DMTN: variants seen among roughly 807,000 people sequenced by gnomAD.
DMTN encodes dematin actin binding protein.
Under a neutral mutation model 59.4 loss-of-function variants are expected in DMTN, and 27 were observed. That is an observed-to-expected ratio of 0.45 (90% CI 0.33 to 0.63). The LOEUF (loss-of-function observed/expected upper bound fraction) is 0.63, where lower values mean the gene tolerates loss of function less well. Among genes scored for constraint, DMTN ranks in the 20% least tolerant of loss-of-function variants. The pLI is 0.02. For synonymous variants in DMTN, 221 were observed against 203.7 expected (o/e 1.08, Z -0.72); for missense variants, 451 against 528.9 (o/e 0.85, Z 1.45).
intron 1 of DMTN, among the ~76,000 whole-genome samples, chr8:22,061,296 A>AAAAG (rs1220661163): frequency 0.012 from 1,756 of 146,348 alleles, 44 homozygotes; most frequent in African/African-American, 0.045. Context: ...AAAAAAAAAA[A>AAAAG]AAAGAAAGAA....
At chr8:22,080,722 C>A in intron 13 of DMTN, 83 bp from the exon 14 acceptor site, 1 of 1,583,292 alleles carries the variant, frequency 6.3e-7, no homozygotes, top group Non-Finnish European at 8.6e-7. Flanking sequence ...CACAGAGTTG[C>A]CTGGTGAAGA....
At chr8:22,063,474 C>T (rs1017527837) in intron 1 of DMTN, among the ~76,000 whole-genome samples, 6 of 152,192 alleles carry the variant, frequency 3.9e-5, no homozygotes, top group African/African-American at 1.4e-4. Context: ...CTTCTGTGCC[C>T]CACTGTTGCC....
chr8:22,071,515 C>T (rs1305235650), intron 8 of DMTN, among the ~76,000 whole-genome samples: 3 of 152,016 alleles, frequency 2.0e-5, no homozygotes, highest in Non-Finnish European at 4.4e-5. Flanking sequence ...CTGTTTCAGC[C>T]TCGCAAGTAG....
At position 22,078,798 on chromosome 8, in the gene DMTN, G is replaced by GTT. The variant is rs1224977627; in HGVS notation, c.836-1367_836-1366dup. Among the ~76,000 whole-genome samples the GTT allele has an allele frequency of 1.3e-4, 11 of 85,088 alleles. 2 individuals carry two copies. The highest frequency in any genetic ancestry group is 2.1e-4 in the Non-Finnish European group (10 of 47,702). 55.8% of individuals were successfully genotyped at this position (85,088 alleles called of 152,430 possible). ...TCTTTCTGTAGTATAATGTCAGACT[G>GTT]TTTTTTTTTTTTTTTTGAGATGGAG... is the stretch of plus-strand genomic sequence containing the variant. On this transcript the variant is annotated intron_variant, in intron 10 of 15. Coordinates refer to ENST00000358242, the MANE Select transcript of DMTN (RefSeq NM_001387751.1).
intron 10 of DMTN, among the ~76,000 whole-genome samples, chr8:22,079,944 C>T (rs1823033648): frequency 1.3e-5 from 2 of 152,136 alleles, no homozygotes; most frequent in Admixed American, 1.3e-4. Flanking sequence ...TATATTTGGG[C>T]CACTTCTAGC....
At chr8:22,052,133 GC>G (rs1801419435), upstream of DMTN, among the ~76,000 whole-genome samples, 1 of 152,222 alleles carries the variant, frequency 6.6e-6, no homozygotes. Flanking sequence ...CCCGGGATGA[GC>G]GACTGTCTCC....
chr8:22,064,750 G>A (rs1032549343), intron 1 of DMTN, among the ~76,000 whole-genome samples: 4 of 152,132 alleles, frequency 2.6e-5, no homozygotes, highest in Non-Finnish European at 4.4e-5. Context: ...GAGCCACCGC[G>A]CCCGGCCTGC....
chr8:22,055,502 G>A (rs989163826), upstream of DMTN: 5 of 152,782 alleles, frequency 3.3e-5, no homozygotes, highest in African/African-American at 9.6e-5. Context: ...GTTGTGGAGC[G>A]ATGGCTGGAG....
Position 22,058,078 on chromosome 8 carries a change from A to C in DMTN, c.-172+942A>C, listed in dbSNP as rs1803697185. 6.6e-6 allele frequency: 1 copy of C among 152,566 alleles called. No homozygotes were observed. The highest frequency in any genetic ancestry group is 2.1e-4 in the South Asian group (1 of 4,834). The allele number at this position is 152,566 out of a possible 1,614,324, so 9.5% of individuals were successfully genotyped here. The stretch of plus-strand genomic sequence containing the variant: ...GGGTGTTGGCAGCACCATGTGTCAC[A>C]GTGAGGGGGCCTCGATGGGAGAGTG... On this transcript the variant is annotated intron_variant, in intron 1 of 15. Coordinates refer to ENST00000358242, the MANE Select transcript of DMTN (RefSeq NM_001387751.1). This position sits in a 1 kb window ranked among gnomAD's most constrained non-coding sequence, Gnocchi z 4.3.
chr8:22,074,884 A>C (rs1818487781), intron 10 of DMTN, among the ~76,000 whole-genome samples: 1 of 152,220 alleles, frequency 6.6e-6, no homozygotes, highest in African/African-American at 2.4e-5. Context: ...GAAAGCTGCA[A>C]AGCCTCTTAA....
chr8:22,081,224 G>A (rs758439635), intron 15 of DMTN, 31 bp downstream of exon 15: 29 of 1,611,986 alleles, frequency 1.8e-5, no homozygotes, highest in East Asian at 6.7e-5. Context: ...GGATGGGTGC[G>A]GGGCTGTCCA....
rs1824332602 is a variant in DMTN, at chr8:22,081,613, C to T, written c.*150C>T. 7.5e-6 allele frequency: 5 copies of T among 662,376 alleles called. No individual in the cohort carries two copies. In the South Asian group the frequency reaches 9.0e-5, roughly 12 times the overall value. The allele number at this position is 662,376 out of a possible 1,614,324, so 41.0% of individuals were successfully genotyped here. The stretch of plus-strand genomic sequence containing the variant: ...GGGCCAAAACCTCTGCAGTCCCCGG[C>T]AGTGAGCTATGGACTTTCTTCCCCC... On this transcript the variant is annotated 3_prime_UTR_variant, in exon 16 of 16. Coordinates refer to ENST00000358242, the MANE Select transcript of DMTN (RefSeq NM_001387751.1).
Position 22,066,902 on chromosome 8 carries a change from C to A in DMTN, c.18+9C>A. 7.9e-7 allele frequency: 1 copy of A among 1,267,614 alleles called. No individual in the cohort carries two copies. The highest frequency in any genetic ancestry group is 9.9e-7 in the Non-Finnish European group (1 of 1,006,154). The allele number at this position is 1,267,614 out of a possible 1,614,324, so 78.5% of individuals were successfully genotyped here. Reference sequence around the variant, plus strand: ...TGGAACGGCTGCAGAAGGTGCGCGGCGCCGCCCCGGGCCGGGGCCGCCGAG... The same window carrying A: ...TGGAACGGCTGCAGAAGGTGCGCGGAGCCGCCCCGGGCCGGGGCCGCCGAG... On this transcript the variant is annotated intron_variant, in intron 2 of 15. Coordinates refer to ENST00000358242, the MANE Select transcript of DMTN (RefSeq NM_001387751.1).
intron 1 of DMTN, among the ~76,000 whole-genome samples, chr8:22,057,355 G>A (rs1803230338): frequency 6.6e-6 from 1 of 152,136 alleles, no homozygotes; most frequent in Admixed American, 6.5e-5. Context: ...TCATCCCAAG[G>A]ATGAGAACTG....
At chr8:22,072,482 T>G in intron 9 of DMTN, 32 bp downstream of exon 9, 1 of 1,512,434 alleles carries the variant, frequency 6.6e-7, no homozygotes, top group Non-Finnish European at 8.9e-7. Context: ...CCTCCACCCC[T>G]GTGCAGGAGT....
intron 10 of DMTN, among the ~76,000 whole-genome samples, chr8:22,079,102 G>A (rs1383899333): frequency 6.6e-6 from 1 of 151,022 alleles, no homozygotes; most frequent in African/African-American, 2.4e-5. Flanking sequence ...CCAGCCTAAT[G>A]TCAGACTTTT....
chr8:22,081,092 T>TGGGGGGGGGGGGGGGGCG, intron 14 of DMTN, 21 bp from the exon 15 acceptor site: 1 of 1,547,318 alleles, frequency 6.5e-7, no homozygotes, highest in Non-Finnish European at 8.9e-7. Context: ...AGCCTAAGAT[T>TGGGGGGGGGGGGGGGGCG]GCCCCTCCCC....
At chr8:22,067,008 C>T (rs1267291806) in intron 2 of DMTN, 77 bp from the exon 3 acceptor site, 22 of 1,358,964 alleles carry the variant, frequency 1.6e-5, no homozygotes, top group Non-Finnish European at 1.8e-5. Flanking sequence ...CCCCGGGTCC[C>T]CCAGGCCTAG....
upstream of DMTN, chr8:22,049,123 CCAGGCCCGA>C (rs1187175246): frequency 6.7e-6 from 1 of 150,236 alleles, no homozygotes; most frequent in Non-Finnish European, 1.5e-5. Flanking sequence ...GCCCCAGGCC[CCAGGCCCGA>C]GGCGCAGGCG....
Sources: gnomAD v4.1 joint callset for allele counts (sites outside exome capture counted in the v4.1 genomes callset) on GRCh38, gnomAD v4.1.1 for gene constraint, Gnocchi (gnomAD v3.1) non-coding constraint, MANE v1.5 for transcripts, NCBI Gene and HGNC (gene_info 2026-07-23, HGNC 2026-07-21) for gene names.